TXNDC16: variants seen among roughly 807,000 people sequenced by gnomAD.
The protein encoded by TXNDC16 is thioredoxin domain containing 16.
In TXNDC16, 74 loss-of-function variants were observed where a neutral mutation model predicts 85.6. The observed-to-expected ratio is 0.86, with a 90% CI of 0.72 to 1.05. The LOEUF is 1.05. Among genes scored for constraint, TXNDC16 ranks in the 50% least tolerant of loss-of-function variants. The pLI, the probability that TXNDC16 is intolerant of heterozygous loss-of-function variation, is 0.00. For synonymous variants in TXNDC16, 335 were observed against 326.5 expected (o/e 1.03, Z -0.28); for missense variants, 959 against 947.0 (o/e 1.01, Z -0.17).
chr14:52,546,970 T>C (rs1281111020), intron 1 of TXNDC16, among the ~76,000 whole-genome samples: 1 of 152,214 alleles, frequency 6.6e-6, no homozygotes, highest in East Asian at 1.9e-4. Context: ...TTATAATGAA[T>C]GTGTACCTAT....
chr14:52,491,013 G>GGA lies in TXNDC16; in HGVS notation c.757-9_757-8insTC, dbSNP rs2036390812. On this transcript the variant is annotated splice_polypyrimidine_tract_variant and intron_variant, in intron 9 of 20. Coordinates refer to ENST00000281741, the MANE Select transcript of TXNDC16 (RefSeq NM_020784.3). Reference sequence around the variant, plus strand: ...ATCTTCAGCAACTTCAGTCTTCATTGAAAAAAAAAAAAAAAAAAGGTGTGA... The same window carrying GGA: ...ATCTTCAGCAACTTCAGTCTTCATTGGAAAAAAAAAAAAAAAAAAAGGTGTGA... The GGA allele has an allele frequency of 9.2e-6, 11 of 1,196,012 alleles. No homozygotes were observed. The highest frequency in any genetic ancestry group is 6.5e-5 in the East Asian group (2 of 30,650). 74.1% of individuals were successfully genotyped at this position (1,196,012 alleles called of 1,614,324 possible).
chr14:52,505,173 G>T lies in TXNDC16; in HGVS notation c.756+6067C>A, dbSNP rs568675646. The stretch of plus-strand genomic sequence containing the variant: ...ATTAGACAGATCAATAAGACAGAAA[G>T]TTAACAAGGATATCCAGGAATTGAA... On this transcript the variant is annotated intron_variant, in intron 9 of 20. Coordinates refer to ENST00000281741, the MANE Select transcript of TXNDC16 (RefSeq NM_020784.3). Among the ~76,000 whole-genome samples, 69 of 152,198 alleles carry T rather than the reference G, an allele frequency of 4.5e-4. 1 individual carries two copies. Among genetic ancestry groups the T allele is most frequent in the African/African-American group, 1.6e-3 (65 of 41,518 alleles).
intron 16 of TXNDC16, among the ~76,000 whole-genome samples, chr14:52,460,249 T>C (rs530558751): frequency 2.6e-4 from 39 of 152,122 alleles, no homozygotes; most frequent in African/African-American, 8.9e-4. Context: ...AGGAGAATTA[T>C]AAAACACTGT....
intron 1 of TXNDC16, among the ~76,000 whole-genome samples, chr14:52,549,811 G>C (rs1161321572): frequency 6.6e-6 from 1 of 152,008 alleles, no homozygotes; most frequent in Non-Finnish European, 1.5e-5. Context: ...CTAATGTTTT[G>C]TATTTTTAGT....
Position 52,468,346 on chromosome 14 carries a change from G to T in TXNDC16, c.1618+1691C>A, listed in dbSNP as rs1162134067. On this transcript the variant is annotated intron_variant, in intron 16 of 20. Coordinates refer to ENST00000281741, the MANE Select transcript of TXNDC16 (RefSeq NM_020784.3). ...TAAATTAAAGCAAGAAAAAATACAG[G>T]TGAATATTAGGTGACAAAAATGATA... Among the ~76,000 whole-genome samples the T allele has an allele frequency of 3.9e-5, 6 of 152,038 alleles. No individual in the cohort carries two copies. In the East Asian group the frequency reaches 5.8e-4, roughly 15 times the overall value.
At chr14:52,537,521 T>A in intron 5 of TXNDC16, 78 bp downstream of exon 5, 1 of 1,067,708 alleles carries the variant, frequency 9.4e-7, no homozygotes, top group Admixed American at 2.0e-5. Context: ...TTATTCTAGC[T>A]CAGTGATATT....
chr14:52,469,972 A>G (rs922926768), intron 16 of TXNDC16, 65 bp downstream of exon 16: 1 of 1,413,322 alleles, frequency 7.1e-7, no homozygotes, highest in African/African-American at 1.5e-5. Flanking sequence ...AGATATTCTT[A>G]AAAAATAAAA....
At chr14:52,549,854 G>A (rs1194133300) in intron 1 of TXNDC16, among the ~76,000 whole-genome samples, 1 of 152,062 alleles carries the variant, frequency 6.6e-6, no homozygotes, top group African/African-American at 2.4e-5. Context: ...AGCCAAGATG[G>A]TCTTGATCTC....
rs189175240 is a variant in TXNDC16, at chr14:52,535,534, A to G, written c.392+1185T>C. On this transcript the variant is annotated intron_variant, in intron 6 of 20. Coordinates refer to ENST00000281741, the MANE Select transcript of TXNDC16 (RefSeq NM_020784.3). ...AGACCCAAGCAGAAAAAGACAGCCA[A>G]TGTCAGCAAAGGTCTTAGTGGACAA... Among the ~76,000 whole-genome samples, 315 of 152,278 alleles carry G rather than the reference A, an allele frequency of 2.1e-3. 4 individuals carry two copies. Among genetic ancestry groups the G allele is most frequent in the Admixed American group, 0.018 (272 of 15,296 alleles).
intron 16 of TXNDC16, among the ~76,000 whole-genome samples, chr14:52,468,244 C>T (rs1290616549): frequency 6.6e-6 from 1 of 151,824 alleles, no homozygotes; most frequent in Non-Finnish European, 1.5e-5. Flanking sequence ...GTAAATTTTA[C>T]GTTATGTGTA....
chr14:52,471,508 T>G (rs575720378), intron 14 of TXNDC16, among the ~76,000 whole-genome samples: 20 of 152,256 alleles, frequency 1.3e-4, no homozygotes, highest in Admixed American at 2.0e-4. Context: ...TCTGACACAG[T>G]GATCTACATC....
intron 20 of TXNDC16, among the ~76,000 whole-genome samples, chr14:52,433,346 T>C (rs2034951701): frequency 6.6e-6 from 1 of 152,152 alleles, no homozygotes; most frequent in Non-Finnish European, 1.5e-5. Flanking sequence ...TTTCTTCCAT[T>C]TACTAGACAG....
intron 16 of TXNDC16, chr14:52,462,959 CT>C (rs1413032780): frequency 4.4e-6 from 2 of 455,754 alleles, no homozygotes; most frequent in African/African-American, 4.0e-5. Context: ...TAGTCATTGA[CT>C]TTTTTCCTAC....
chr14:52,469,782 T>C (rs1389826227), intron 16 of TXNDC16, among the ~76,000 whole-genome samples: 1 of 152,098 alleles, frequency 6.6e-6, no homozygotes, highest in East Asian at 1.9e-4. Flanking sequence ...GATTCTAACC[T>C]AGATACACAG....
intron 18 of TXNDC16, among the ~76,000 whole-genome samples, chr14:52,445,912 G>A (rs1338805677): frequency 6.6e-6 from 1 of 152,146 alleles, no homozygotes; most frequent in East Asian, 1.9e-4. Context: ...CTCGTTAAGT[G>A]ATGCATGACT....
intron 20 of TXNDC16, among the ~76,000 whole-genome samples, chr14:52,436,761 A>G (rs1326285057): frequency 6.6e-6 from 1 of 152,162 alleles, no homozygotes; most frequent in African/African-American, 2.4e-5. Context: ...TTCATACTAT[A>G]CCTGATAGTT....
At chr14:52,530,251 T>TA (rs1424378460) in intron 6 of TXNDC16, among the ~76,000 whole-genome samples, 1 of 38,782 alleles carries the variant, frequency 2.6e-5, no homozygotes, top group Non-Finnish European at 3.7e-5. Context: ...ATATATAATA[T>TA]ATATTATATA....
intron 10 of TXNDC16, 144 bp from the exon 11 acceptor site, chr14:52,490,595 G>T: frequency 1.3e-6 from 1 of 785,916 alleles, no homozygotes; most frequent in Non-Finnish European, 1.9e-6. Flanking sequence ...AATTTTACAC[G>T]TAAACATAGA....
At chr14:52,543,287 C>G (rs1448947631) in intron 3 of TXNDC16, 111 bp downstream of exon 3, 1 of 1,180,886 alleles carries the variant, frequency 8.5e-7, no homozygotes, top group East Asian at 2.5e-5. Flanking sequence ...ATTATAGTAA[C>G]AGCTATATAG....
Sources: allele counts gnomAD v4.1 joint callset (sites outside exome capture counted in the v4.1 genomes callset), GRCh38; gene constraint gnomAD v4.1.1; transcripts MANE v1.5; gene names NCBI Gene and HGNC (gene_info 2026-07-23, HGNC 2026-07-21).